The following FBN2 variants were observed in gnomAD, a reference collection of about 807,000 sequenced individuals.
FBN2 encodes the protein fibrillin 2.
A neutral mutation model predicts 355.6 loss-of-function variants in FBN2; 105 were observed. That is an observed-to-expected ratio of 0.30 (90% CI 0.25 to 0.35). FBN2 has a LOEUF of 0.35. FBN2 is among the 10% of genes least tolerant of loss of function. The probability of loss-of-function intolerance (pLI) is 1.00; values close to 1 mark genes in which losing one functional copy is unlikely to be tolerated. For synonymous variants in FBN2, 1,350 were observed against 1,301.2 expected, an observed-to-expected ratio of 1.04 and a Z score of -0.81; for missense variants, 3,280 against 3,758.7, an observed-to-expected ratio of 0.87 and a Z score of 3.33.
At chr5:128,417,196 T>C (rs560000061) in intron 7 of FBN2, among the ~76,000 whole-genome samples, 1 of 152,322 alleles carries the variant, frequency 6.6e-6, no homozygotes, top group East Asian at 1.9e-4. Context: ...TTTTGTGCAC[T>C]GATTTTTTTA....
rs367969638 is a variant in FBN2 at position 128,314,884 on chromosome 5, G to C, written c.4718-2089C>G. ...GTCATGCTTGTTCTGTAAACCTCCAGTCTGTCAACTCCGTGGTGTATAATT... is the reference window on the plus strand; with the variant it reads ...GTCATGCTTGTTCTGTAAACCTCCACTCTGTCAACTCCGTGGTGTATAATT... On this transcript the variant is annotated intron_variant, in intron 36 of 64. Coordinates refer to ENST00000262464, the MANE Select transcript of FBN2 (RefSeq NM_001999.4). Among the ~76,000 whole-genome samples, 14 of 151,940 alleles carry C rather than the reference G, an allele frequency of 9.2e-5. 1 individual carries two copies. The highest frequency in any genetic ancestry group is 4.2e-4 in the South Asian group (2 of 4,818).
intron 9 of FBN2, among the ~76,000 whole-genome samples, chr5:128,394,599 A>T (rs1284603483): frequency 6.6e-6 from 1 of 152,228 alleles, no homozygotes; most frequent in Non-Finnish European, 1.5e-5. Context: ...AAAATAATTT[A>T]AAAAACAACA....
At position 128,521,338 on chromosome 5, in the gene FBN2, G is replaced by A. The variant is rs546347420; in HGVS notation, c.533-1970C>T. ...CGATGAGAACACATGGACACTGGGAGAGGAACAACACACACTGGGGCCTGT... is the reference window on the plus strand; with the variant it reads ...CGATGAGAACACATGGACACTGGGAAAGGAACAACACACACTGGGGCCTGT... On this transcript the variant is annotated intron_variant, in intron 4 of 64. Transcript: ENST00000262464. 1.7e-4 allele frequency among the ~76,000 whole-genome samples: 26 copies of A among 152,250 alleles called. No individual in the cohort carries two copies. In the South Asian group the frequency reaches 5.4e-3, roughly 32 times the overall value.
chr5:128,529,341 G>C (rs62390668), intron 3 of FBN2, among the ~76,000 whole-genome samples: 6 of 151,992 alleles, frequency 3.9e-5, no homozygotes, highest in African/African-American at 1.5e-4. Context: ...TCAAGAAAAG[G>C]AGCACTGAAG....
intron 7 of FBN2, among the ~76,000 whole-genome samples, chr5:128,421,512 A>T (rs1289227600): frequency 1.3e-5 from 2 of 152,218 alleles, no homozygotes; most frequent in Non-Finnish European, 2.9e-5. Context: ...TGGCTTCATG[A>T]TTAACAATTT....
chr5:128,470,086 C>T (rs564216820), intron 5 of FBN2, among the ~76,000 whole-genome samples: 41 of 152,252 alleles, frequency 2.7e-4, no homozygotes, highest in African/African-American at 9.4e-4. Context: ...AATTTCAGCA[C>T]TTGATAGTGG....
chr5:128,300,250 T>C (rs539860924), intron 48 of FBN2, among the ~76,000 whole-genome samples: 31 of 152,338 alleles, frequency 2.0e-4, no homozygotes, highest in African/African-American at 7.5e-4. Flanking sequence ...AAGTGAACTG[T>C]AAAAAAGGTC....
chr5:128,469,216 G>A (rs1002274417), intron 5 of FBN2, among the ~76,000 whole-genome samples: 18 of 152,152 alleles, frequency 1.2e-4, no homozygotes, highest in East Asian at 1.9e-4. Context: ...AAAGGCCAAC[G>A]GGGCATAAAG....
intron 36 of FBN2, among the ~76,000 whole-genome samples, chr5:128,317,143 C>T (rs1012436910): frequency 1.3e-5 from 2 of 152,118 alleles, no homozygotes; most frequent in African/African-American, 4.8e-5. Context: ...GGTCTGTCCC[C>T]TCCTTAAAGG....
chr5:128,489,518 A>C (rs1162992960), intron 5 of FBN2, among the ~76,000 whole-genome samples: 1 of 152,162 alleles, frequency 6.6e-6, no homozygotes, highest in Non-Finnish European at 1.5e-5. Context: ...TAATGTATTC[A>C]GGCTTTCTGG....
At position 128,365,623 on chromosome 5, in the gene FBN2, C is replaced by T. The variant is rs1445924644; in HGVS notation, c.2302+754G>A. Among the ~76,000 whole-genome samples the T allele has an allele frequency of 2.0e-5, 3 of 151,122 alleles. 1 individual carries two copies. The highest frequency in any genetic ancestry group is 7.3e-5 in the African/African-American group (3 of 41,208). The stretch of plus-strand genomic sequence containing the variant: ...ATCTATAATTTGACTAAAGCTTTCT[C>T]AAACACAAGGGTAGAAGAATATACA... On this transcript the variant is annotated intron_variant, in intron 17 of 64. Transcript: ENST00000262464.
rs185392301 is a variant in FBN2 at position 128,491,890 on chromosome 5, C to G, written c.629-26969G>C. Among the ~76,000 whole-genome samples, 148 of 152,184 alleles carry G rather than the reference C, an allele frequency of 9.7e-4. 4 individuals carry two copies. The East Asian group carries it at 0.025, about 26-fold the overall frequency. ...CCTTTAAAAGAGGTACTTTTTTGAG[C>G]TATTCTCTCTTTTTCAAACTCCTTC... On this transcript the variant is annotated intron_variant, in intron 5 of 64. Coordinates refer to ENST00000262464, the MANE Select transcript of FBN2 (RefSeq NM_001999.4).
At chr5:128,273,402 T>A (rs1441522796) in intron 61 of FBN2, among the ~76,000 whole-genome samples, 1 of 152,224 alleles carries the variant, frequency 6.6e-6, no homozygotes, top group Non-Finnish European at 1.5e-5. Flanking sequence ...GAAACAGCCA[T>A]CATTTCACCT....
Position 128,463,385 on chromosome 5 carries a change from G to C in FBN2, c.826+1339C>G, listed in dbSNP as rs116582306. Reference sequence around the variant, plus strand: ...CTCAGTCTTCATCATTAAGGCCTGAGCTGTGTTCATCACTAAAAAGAACTA... The same window carrying C: ...CTCAGTCTTCATCATTAAGGCCTGACCTGTGTTCATCACTAAAAAGAACTA... On this transcript the variant is annotated intron_variant, in intron 6 of 64. Transcript: ENST00000262464. Among the ~76,000 whole-genome samples, 363 of 152,184 alleles carry C rather than the reference G, an allele frequency of 2.4e-3. 3 individuals carry two copies. The highest frequency in any genetic ancestry group is 8.1e-3 in the African/African-American group (335 of 41,520).
At chr5:128,331,664 T>G (rs1387848180) in intron 32 of FBN2, among the ~76,000 whole-genome samples, 4 of 152,122 alleles carry the variant, frequency 2.6e-5, no homozygotes, top group Non-Finnish European at 5.9e-5. Context: ...GGGGATTCTT[T>G]TAGCATTCAG....
At chr5:128,385,381 A>T (rs1023968739) in intron 11 of FBN2, among the ~76,000 whole-genome samples, 9 of 152,180 alleles carry the variant, frequency 5.9e-5, no homozygotes, top group Non-Finnish European at 1.0e-4. Context: ...TGCAAAGCAC[A>T]TGGTCTCATT....
At chr5:128,396,277 G>A (rs1015970791) in intron 8 of FBN2, among the ~76,000 whole-genome samples, 1 of 152,170 alleles carries the variant, frequency 6.6e-6, no homozygotes, top group African/African-American at 2.4e-5. Flanking sequence ...TTTAAAACAT[G>A]TTATATTTGG....
intron 7 of FBN2, among the ~76,000 whole-genome samples, chr5:128,412,510 T>G (rs566018985): frequency 3.3e-5 from 5 of 152,250 alleles, no homozygotes; most frequent in Non-Finnish European, 5.9e-5. Context: ...CTGATTGGCA[T>G]AGGCCTGGAG....
At chr5:128,393,539 T>C (rs913950290) in intron 9 of FBN2, among the ~76,000 whole-genome samples, 171 bp from the exon 10 acceptor site, 3 of 152,260 alleles carry the variant, frequency 2.0e-5, no homozygotes, top group African/African-American at 7.2e-5. Context: ...GAAAAAGATA[T>C]AGAAGTTTTA....
Sources: gnomAD v4.1 joint callset for allele counts (sites outside exome capture counted in the v4.1 genomes callset) on GRCh38, gnomAD v4.1.1 for gene constraint, MANE v1.5 for transcripts, NCBI Gene and HGNC (gene_info 2026-07-23, HGNC 2026-07-21) for gene names.